Variants in TTC39A observed in about 807,000 individuals in gnomAD.
TTC39A encodes the protein tetratricopeptide repeat protein 39A.
TTC39A carries 46 observed loss-of-function variants against 82.3 expected under a neutral mutation model. The ratio of observed to expected loss-of-function variants is 0.56; its 90% confidence interval spans 0.44 to 0.71. The LOEUF (loss-of-function observed/expected upper bound fraction) is 0.71, where lower values mean the gene tolerates loss of function less well. Ranked by LOEUF, TTC39A falls within the 30% of genes least tolerant of loss-of-function variation. The pLI, the probability that TTC39A is intolerant of heterozygous loss-of-function variation, is 0.00. For missense variants in TTC39A, 543 were observed against 712.9 expected, an observed-to-expected ratio of 0.76 and a Z score of 2.71; for synonymous variants, 254 against 275.2, an observed-to-expected ratio of 0.92 and a Z score of 0.76.
At chr1:51,289,941 A>G (rs903775084) in intron 16 of TTC39A, 64 bp downstream of exon 16, 4 of 1,401,182 alleles carry the variant, frequency 2.9e-6, no homozygotes, top group African/African-American at 1.4e-5. Context: ...ATGAGGATGG[A>G]GAAGCCCTGA....
intron 8 of TTC39A, among the ~76,000 whole-genome samples, chr1:51,304,345 T>C (rs1299632453): frequency 6.6e-6 from 1 of 152,170 alleles, no homozygotes; most frequent in African/African-American, 2.4e-5. Flanking sequence ...GGTCCGTGGG[T>C]GTGGCAAATA....
At chr1:51,322,371 G>A (rs779262489) in intron 1 of TTC39A, 84 of 1,143,922 alleles carry the variant, frequency 7.3e-5, no homozygotes, top group Non-Finnish European at 9.4e-5. Context: ...GGCTCCTCCA[G>A]AATACCTGAG....
chr1:51,296,335 A>C (rs1644425273), intron 12 of TTC39A, among the ~76,000 whole-genome samples, 165 bp from the exon 13 acceptor site: 1 of 152,212 alleles, frequency 6.6e-6, no homozygotes, highest in African/African-American at 2.4e-5. Flanking sequence ...GAAGACCTGA[A>C]TCCAGGACAA....
At chr1:51,345,043 T>TGGGCGCGGGCCGGGCTCGGACGG (rs1646081282) in exon 1 of TTC39A, 2 of 1,482,854 alleles carry the variant, frequency 1.3e-6, no homozygotes, top group Non-Finnish European at 1.8e-6. Flanking sequence ...AGAAAGGCCA[T>TGGGCGCGGGCCGGGCTCGGACGG]GGGCGCGGGC....
chr1:51,330,697 G>A (rs970895548), upstream of TTC39A: 4 of 896,338 alleles, frequency 4.5e-6, no homozygotes, highest in Non-Finnish European at 4.0e-6. The surrounding 1 kb of genome is among the most constrained non-coding windows in gnomAD (Gnocchi z 4.5). Context: ...CCGCACCGCC[G>A]GGGGTTCTGG....
chr1:51,333,010 C>T (rs1158563886), upstream of TTC39A, among the ~76,000 whole-genome samples: 1 of 152,014 alleles, frequency 6.6e-6, no homozygotes, highest in Admixed American at 6.5e-5. Flanking sequence ...GTCAAGAGTT[C>T]GAGACCAGCC....
chr1:51,311,293 T>A lies in TTC39A; in HGVS notation c.384A>T (p.Ala128=). The A allele has an allele frequency of 6.3e-7, 1 of 1,586,734 alleles. No homozygotes were observed. Among genetic ancestry groups the A allele is most frequent in the Non-Finnish European group, 8.6e-7 (1 of 1,166,682 alleles). ...GGGCTGCTCGCTGCAGCAGGCACTC[T>A]GCATAGCAGACCTCAGCGTGGATTT... is the stretch of plus-strand genomic sequence containing the variant. The part of the protein sequence containing the change: ...EEEIHAEVCY[A]ECLLQRAALT... Residue 128 remains alanine, a synonymous_variant, in exon 5 of 18, where the codon GCA becomes GCT. Coordinates refer to ENST00000680483, the MANE Select transcript of TTC39A (RefSeq NM_001297663.2).
chr1:51,316,766 AC>A (rs1389338181), intron 2 of TTC39A, among the ~76,000 whole-genome samples: 1 of 151,832 alleles, frequency 6.6e-6, no homozygotes, highest in Non-Finnish European at 1.5e-5. Context: ...AACTTGCTGC[AC>A]CCCCACACAT....
At position 51,303,202 on chromosome 1, in the gene TTC39A, T is replaced by TTG; in HGVS notation, c.655-11_655-10insCA. 4 of 433,736 alleles carry TTG rather than the reference T, an allele frequency of 9.2e-6. No homozygotes were observed. Among genetic ancestry groups the TTG allele is most frequent in the Non-Finnish European group, 1.9e-5 (4 of 214,134 alleles). 26.9% of individuals were successfully genotyped at this position (433,736 alleles called of 1,614,324 possible). A position where few individuals can be genotyped will look rare whatever the true frequency, so the allele number is the denominator to read the frequency against. ...GCAGCAGCCCATAGTCCTGAGGGGA[T>TTG]GGGAGGGTGGGTGAGGCTCCCAGAG... On this transcript the variant is annotated splice_polypyrimidine_tract_variant and intron_variant, in intron 8 of 17. Coordinates refer to ENST00000680483, the MANE Select transcript of TTC39A (RefSeq NM_001297663.2).
rs781746443 is a variant in TTC39A, at chr1:51,301,722, A to T, written c.903T>A (p.Arg301=). ...IKGNIDAAIR[R]FEECCEAQQH... ...GCTGGGCCTCACAGCACTCCTCGAA[A>T]CGCCGGATGGCCTGCAGGCACCTTC... Residue 301 remains arginine (R), a synonymous_variant, in exon 12 of 18, where the codon CGT becomes CGA. Coordinates refer to ENST00000680483, the MANE Select transcript of TTC39A (RefSeq NM_001297663.2). The T allele has an allele frequency of 6.2e-7, 1 of 1,605,648 alleles. No homozygotes were observed. Among genetic ancestry groups the T allele is most frequent in the Non-Finnish European group, 8.5e-7 (1 of 1,173,820 alleles).
At chr1:51,306,099 G>T in intron 6 of TTC39A, 23 bp from the exon 7 acceptor site, 34 of 1,535,296 alleles carry the variant, frequency 2.2e-5, no homozygotes, top group Non-Finnish European at 2.8e-5. Flanking sequence ...GCCAAGTCCT[G>T]TTTCAGCCAC....
At chr1:51,315,896 T>C (rs754694530) in intron 2 of TTC39A, among the ~76,000 whole-genome samples, 7 of 152,244 alleles carry the variant, frequency 4.6e-5, no homozygotes, top group Non-Finnish European at 1.0e-4. Context: ...GTGTGGTCTA[T>C]GCTGTTGCAC....
chr1:51,340,548 C>T (rs757012785), intron 1 of TTC39A, among the ~76,000 whole-genome samples: 1 of 152,224 alleles, frequency 6.6e-6, no homozygotes, highest in Non-Finnish European at 1.5e-5. Flanking sequence ...CCCCTCCTCT[C>T]CAGCCCATTG....
chr1:51,287,338 A>G lies in TTC39A; in HGVS notation c.*819T>C, dbSNP rs1396854939. On this transcript the variant is annotated 3_prime_UTR_variant, in exon 18 of 18. Coordinates refer to ENST00000680483, the MANE Select transcript of TTC39A (RefSeq NM_001297663.2). The stretch of plus-strand genomic sequence containing the variant: ...GAAGTACAGAAGATTTTTATGTTTC[A>G]TAAATTATTCCCAGTGGTTTCAGTT... 2 of 152,226 alleles carry G rather than the reference A, an allele frequency of 1.3e-5. No individual in the cohort carries two copies. The highest frequency in any genetic ancestry group is 2.9e-5 in the Non-Finnish European group (2 of 68,040). The allele number at this position is 152,226 out of a possible 1,614,324, so 9.4% of individuals were successfully genotyped here.
In TTC39A at chr1:51,312,945, T is replaced by C. The variant is rs760301169; in HGVS notation, c.147-2A>G. ...GAGTGGTACATGCTTTCCTTGGTTC[T>C]GCCAAAGAGAAGAGACGTTGAGAGC... On this transcript the variant is annotated splice_acceptor_variant, in intron 2 of 17. Coordinates refer to ENST00000680483, the MANE Select transcript of TTC39A (RefSeq NM_001297663.2). LOFTEE classifies it high-confidence loss of function. 31 of 1,613,082 alleles carry C rather than the reference T, an allele frequency of 1.9e-5. No individual in the cohort carries two copies. The highest frequency in any genetic ancestry group is 2.5e-5 in the Non-Finnish European group (30 of 1,179,378).
chr1:51,343,942 TG>T (rs1387009279), intron 1 of TTC39A, among the ~76,000 whole-genome samples: 16 of 152,266 alleles, frequency 1.1e-4, no homozygotes, highest in Non-Finnish European at 2.1e-4. Flanking sequence ...TGGTCTGGTT[TG>T]TGCTTTAGAA....
chr1:51,317,203 T>C (rs973188641), intron 2 of TTC39A, among the ~76,000 whole-genome samples: 2 of 151,990 alleles, frequency 1.3e-5, no homozygotes, highest in Non-Finnish European at 2.9e-5. Context: ...AACGAGACAA[T>C]GTGTGCAGCG....
At chr1:51,311,599 C>G (rs933250662) in intron 4 of TTC39A, among the ~76,000 whole-genome samples, 10 of 152,160 alleles carry the variant, frequency 6.6e-5, no homozygotes, top group African/African-American at 9.7e-5. Context: ...GAGGGTAAGG[C>G]CACTTTCCCC....
At chr1:51,318,941 GTT>G (rs1257835472) in intron 2 of TTC39A, among the ~76,000 whole-genome samples, 1 of 152,182 alleles carries the variant, frequency 6.6e-6, no homozygotes, top group African/African-American at 2.4e-5. Flanking sequence ...GGATGGTTGG[GTT>G]TTTGAAGAAA....
Sources: gnomAD v4.1 joint callset for allele counts (sites outside exome capture counted in the v4.1 genomes callset) on GRCh38, gnomAD v4.1.1 for gene constraint, Gnocchi (gnomAD v3.1) non-coding constraint, MANE v1.5 for transcripts, NCBI Gene and HGNC (gene_info 2026-07-23, HGNC 2026-07-21) for gene names.